Variants in KRT74 observed in about 807,000 individuals in gnomAD.
The protein encoded by KRT74 is keratin 74.
Under a neutral mutation model 42.7 loss-of-function variants are expected in KRT74, and 43 were observed. The ratio of observed to expected loss-of-function variants is 1.01; its 90% confidence interval spans 0.79 to 1.30. KRT74 has a LOEUF of 1.30. KRT74 is among the 50% of genes most tolerant of loss of function. The probability of loss-of-function intolerance (pLI) is 0.00; values close to 1 mark genes in which losing one functional copy is unlikely to be tolerated. For synonymous variants in KRT74, 302 were observed against 279.0 expected, an observed-to-expected ratio of 1.08 and a Z score of -0.82; for missense variants, 736 against 689.1, an observed-to-expected ratio of 1.07 and a Z score of -0.76.
chr12:52,570,141 C>A (rs1939452821), intron 5 of KRT74, among the ~76,000 whole-genome samples, 157 bp from the exon 6 acceptor site: 1 of 41,512 alleles, frequency 2.4e-5, no homozygotes, highest in Admixed American at 3.0e-4. Context: ...AAGGGGTTTT[C>A]TCCCTGACAG....
chr12:52,570,985 A>T (rs1241030473), intron 4 of KRT74, 152 bp from the exon 5 acceptor site: 6 of 905,424 alleles, frequency 6.6e-6, no homozygotes, highest in Non-Finnish European at 1.1e-5. Context: ...ATGTGTCTGC[A>T]GAGCTGAGGG....
chr12:52,571,402 G>C lies in KRT74; in HGVS notation c.800C>G (p.Ser267Ter). The stretch of plus-strand genomic sequence containing the variant: ...GAGGAACTTGATTTCTTTGTCCAGT[G>C]AGTCCACTTTGGCCTGAAGCTCCAC... ...VKVELQAKVDSLDKEIKFLKC... is the reference protein window; with the variant it reads ...VKVELQAKVD The change falls in exon 4 of 9, where the codon TCA (serine) becomes TGA (stop). Residue 267 changes from serine (S) to a stop codon, truncating the protein, a stop_gained. Coordinates refer to ENST00000305620, the MANE Select transcript of KRT74 (RefSeq NM_175053.4). LOFTEE classifies it high-confidence loss of function. 6.2e-7 allele frequency: 1 copy of C among 1,613,812 alleles called. No individual in the cohort carries two copies. Among genetic ancestry groups the C allele is most frequent in the Non-Finnish European group, 8.5e-7 (1 of 1,179,694 alleles).
chr12:52,569,687 A>G (rs538143318), intron 6 of KRT74, among the ~76,000 whole-genome samples, 172 bp downstream of exon 6: 1 of 152,324 alleles, frequency 6.6e-6, no homozygotes, highest in South Asian at 2.1e-4. Flanking sequence ...TGGGCGGGGT[A>G]CCAGCTCTGA....
rs983076346 is a variant in KRT74 at position 52,571,447 on chromosome 12, T to C, written c.755A>G (p.Asp252Gly). Residue 252 changes from aspartate (D) to glycine (G), a missense_variant, in exon 4 of 9, where the codon GAT (aspartate) becomes GGT (glycine). Transcript: ENST00000305620. ...NEFVVLKKDA[D>G]AAYAVKVELQ... ...CTCCACCTTGACTGCGTAGGCTGCATCTGCATCCTGCCAAGAGGCCCCAGA... is the reference window on the plus strand; with the variant it reads ...CTCCACCTTGACTGCGTAGGCTGCACCTGCATCCTGCCAAGAGGCCCCAGA... The C allele has an allele frequency of 3.1e-6, 5 of 1,612,812 alleles. No homozygotes were observed. The highest frequency in any genetic ancestry group is 3.3e-5 in the Admixed American group (2 of 60,020).
rs201088197 is a variant in KRT74 at position 52,571,970 on chromosome 12, C to A, written c.721G>T (p.Glu241Ter). 2.0e-5 allele frequency: 32 copies of A among 1,597,172 alleles called. No homozygotes were observed. The African/African-American group carries it at 3.8e-4, about 19-fold the overall frequency. The change falls in exon 3 of 9, where the codon GAG becomes TAG. Residue 241 changes from glutamate (E) to a stop codon, truncating the protein, a stop_gained. Transcript: ENST00000305620. LOFTEE classifies it high-confidence loss of function. ...EVEINRRTTA[E>*]NEFVVLKKDA... ...TTCTTAAGCACCACAAACTCATTCTCTGCTGTCGTGCGCCGGTTAATCTCC... is the reference window on the plus strand; with the variant it reads ...TTCTTAAGCACCACAAACTCATTCTATGCTGTCGTGCGCCGGTTAATCTCC...
rs1185580890 is a variant in KRT74 at position 52,566,952 on chromosome 12, T to G, written c.*17A>C. 2 of 1,601,174 alleles carry G rather than the reference T, an allele frequency of 1.2e-6. No individual in the cohort carries two copies. The highest frequency in any genetic ancestry group is 2.2e-5 in the South Asian group (2 of 89,842). ...TCACCTCTTCTTCCAAGTGCTGAGG[T>G]GGGTGAGGCCATGGGTCTAGCGGGT... On this transcript the variant is annotated 3_prime_UTR_variant, in exon 9 of 9. Transcript: ENST00000305620.
Position 52,569,857 on chromosome 12 carries a change from A to G in KRT74, c.1134+2T>C. ...GGAGTTCTTTGTGGGGCTGCTGCCC[A>G]CCTGCTTCTTCACATTCCCGATCTC... is the stretch of plus-strand genomic sequence containing the variant. On this transcript the variant is annotated splice_donor_variant, in intron 6 of 8. Transcript: ENST00000305620. LOFTEE classifies it high-confidence loss of function. 6.2e-7 allele frequency: 1 copy of G among 1,614,116 alleles called. No individual in the cohort carries two copies. Among genetic ancestry groups the G allele is most frequent in the Middle Eastern group, 1.6e-4 (1 of 6,062 alleles).
At chr12:52,572,712 T>C in intron 1 of KRT74, 45 bp from the exon 2 acceptor site, 1 of 1,537,680 alleles carries the variant, frequency 6.5e-7, no homozygotes, top group South Asian at 1.1e-5. Flanking sequence ...ATGGGTGCAG[T>C]CATGCCCCCT....
chr12:52,568,238 A>G lies in KRT74; in HGVS notation c.1286T>C (p.Met429Thr), dbSNP rs1565607089. 9 of 1,614,164 alleles carry G rather than the reference A, an allele frequency of 5.6e-6. No homozygotes were observed. The highest frequency in any genetic ancestry group is 7.6e-6 in the Non-Finnish European group (9 of 1,180,016). Residue 429 changes from methionine to threonine, a missense_variant, in exon 7 of 9, where the codon ATG becomes ACG. Met to Thr is a moderately conservative substitution (Grantham distance 81). Transcript: ENST00000305620. ...CATGTCCAGGGCCAGTTTCAGGCTC[A>G]TGAGCTCCTGGTACTCGCGCAGCAT... is the stretch of plus-strand genomic sequence containing the variant. ...ARMLREYQELMSLKLALDMEI... is the reference protein window; with the variant it reads ...ARMLREYQELTSLKLALDMEI...
intron 5 of KRT74, among the ~76,000 whole-genome samples, chr12:52,570,456 G>T (rs1490838818): frequency 6.6e-6 from 1 of 152,212 alleles, no homozygotes; most frequent in Admixed American, 6.5e-5. Context: ...AGAAGTGAGG[G>T]ATCCTCTCTG....
At position 52,569,897 on chromosome 12, in the gene KRT74, G is replaced by C; in HGVS notation, c.1096C>G (p.Gln366Glu). ...SEMVELNRLIQRIRCEIGNVK... is the reference protein window; with the variant it reads ...SEMVELNRLIERIRCEIGNVK... ...TTCCCGATCTCACACCGGATCCTCT[G>C]GATGAGCCGGTTCAGCTCCACCATC... The change falls in exon 6 of 9, where the codon CAG becomes GAG. Residue 366 changes from glutamine to glutamate, a missense_variant. Gln to Glu is a conservative substitution (Grantham distance 29). Transcript: ENST00000305620. 6.2e-7 allele frequency: 1 copy of C among 1,614,184 alleles called. No homozygotes were observed. Among genetic ancestry groups the C allele is most frequent in the Non-Finnish European group, 8.5e-7 (1 of 1,180,032 alleles).
At chr12:52,569,664 C>G (rs951775080) in intron 6 of KRT74, 195 bp downstream of exon 6, 5 of 670,480 alleles carry the variant, frequency 7.5e-6, no homozygotes, top group Non-Finnish European at 1.3e-5. Context: ...AGGTTTGAGG[C>G]TCCTCCCAGT....
intron 5 of KRT74, 143 bp downstream of exon 5, chr12:52,570,526 G>T (rs1592213112): frequency 1.2e-6 from 1 of 841,934 alleles, no homozygotes; most frequent in East Asian, 2.6e-5. Flanking sequence ...GCTCTGCTAA[G>T]AATTCCTTTT....
intron 4 of KRT74, 123 bp downstream of exon 4, chr12:52,571,236 G>T: frequency 1.4e-6 from 1 of 738,998 alleles, no homozygotes; most frequent in Admixed American, 2.0e-5. Flanking sequence ...CCTGGTGCAG[G>T]GTTTTGTACC....
In KRT74 at chr12:52,570,827, C is replaced by T. The variant is rs139463422; in HGVS notation, c.850G>A (p.Ala284Thr). Reference protein sequence around the residue: ...FLKCLYDAEIAQIQTHASETS... With the variant: ...FLKCLYDAEITQIQTHASETS... ...TCACTGGCGTGAGTCTGGATCTGAG[C>T]GATCTCCTGCATTGAGAGAGGAAGA... is the stretch of plus-strand genomic sequence containing the variant. The change falls in exon 5 of 9, where the codon GCT (alanine) becomes ACT (threonine). Residue 284 changes from alanine to threonine, a missense_variant. Transcript: ENST00000305620. 1.9e-4 allele frequency: 302 copies of T among 1,614,228 alleles called. 1 individual carries two copies. Among genetic ancestry groups the T allele is most frequent in the Middle Eastern group, 1.3e-3 (8 of 6,062 alleles).
intron 8 of KRT74, 47 bp from the exon 9 acceptor site, chr12:52,567,215 G>A: frequency 6.9e-7 from 1 of 1,455,338 alleles, no homozygotes; most frequent in South Asian, 1.3e-5. Flanking sequence ...GTGTCAATCA[G>A]CAGATAACAG....
At chr12:52,571,558 A>G in intron 3 of KRT74, 104 bp from the exon 4 acceptor site, 1 of 828,836 alleles carries the variant, frequency 1.2e-6, no homozygotes, top group Non-Finnish European at 2.1e-6. Context: ...TTCTACCCAC[A>G]AAGGAAAGCT....
At chr12:52,572,981 C>T (rs1010140141) in intron 1 of KRT74, among the ~76,000 whole-genome samples, 2 of 152,168 alleles carry the variant, frequency 1.3e-5, no homozygotes, top group African/African-American at 4.8e-5. Flanking sequence ...GAGCCCTTCC[C>T]TCTGAACACT....
chr12:52,569,662 G>C, intron 6 of KRT74, 197 bp downstream of exon 6: 1 of 665,168 alleles, frequency 1.5e-6, no homozygotes. Context: ...ATAGGTTTGA[G>C]GCTCCTCCCA....
Sources: allele counts gnomAD v4.1 joint callset (sites outside exome capture counted in the v4.1 genomes callset), GRCh38; gene constraint gnomAD v4.1.1; transcripts MANE v1.5; gene names NCBI Gene and HGNC (gene_info 2026-07-23, HGNC 2026-07-21).